The following BCAR1 variants were observed in gnomAD, a reference collection of about 807,000 sequenced individuals.
The protein encoded by BCAR1 is BCAR1 scaffold protein, Cas family member, also known as breast cancer anti-estrogen resistance protein 1.
In BCAR1, 30 loss-of-function variants were observed where a neutral mutation model predicts 67.6. The ratio of observed to expected loss-of-function variants is 0.44; its 90% confidence interval spans 0.33 to 0.60. BCAR1 has a LOEUF of 0.60. Ranked by LOEUF, BCAR1 falls within the 20% of genes least tolerant of loss-of-function variation. BCAR1 has a pLI of 0.02. For missense variants in BCAR1, 1,313 were observed against 1,222.3 expected (o/e 1.07, Z -1.11); for synonymous variants, 626 against 556.7 (o/e 1.12, Z -1.75).
chr16:75,234,716 C>T (rs1255051593), intron 5 of BCAR1, among the ~76,000 whole-genome samples, 173 bp downstream of exon 5: 3 of 152,206 alleles, frequency 2.0e-5, no homozygotes, highest in African/African-American at 2.4e-5. Flanking sequence ...ACGAAGGGCT[C>T]GATGACATGG....
intron 1 of BCAR1, chr16:75,248,236 C>T (rs946906987): frequency 1.3e-6 from 2 of 1,517,242 alleles, no homozygotes; most frequent in African/African-American, 1.4e-5. Context: ...ATGTCACAGG[C>T]CTTTCCCACC....
intron 6 of BCAR1, among the ~76,000 whole-genome samples, chr16:75,232,200 GC>G (rs1163381798): frequency 2.0e-5 from 3 of 151,138 alleles, no homozygotes; most frequent in African/African-American, 7.3e-5. Context: ...TCACCCTGTC[GC>G]CCAGGCTGGA....
At position 75,238,044 on chromosome 16, in the gene BCAR1, G is replaced by A; in HGVS notation, c.634-700C>T. The A allele has an allele frequency of 5.4e-6, 7 of 1,288,936 alleles. No individual in the cohort carries two copies. The South Asian group carries it at 6.2e-5, about 11-fold the overall frequency. 79.8% of individuals were successfully genotyped at this position (1,288,936 alleles called of 1,614,324 possible). A position where few individuals can be genotyped will look rare whatever the true frequency, so the allele number is the denominator to read the frequency against. On this transcript the variant is annotated intron_variant, in intron 2 of 6. Coordinates refer to ENST00000162330, the MANE Select transcript of BCAR1 (RefSeq NM_014567.5). ...CGACCTGAAAGGATGAGGCCTAGTG[G>A]GGGAAGTGGGTCCAGGGCCAGCCCT...
rs747629929 is a variant in BCAR1, at chr16:75,248,050, T to C, written c.12+3421A>G. The C allele has an allele frequency of 4.0e-6, 6 of 1,508,182 alleles. No individual in the cohort carries two copies. The Admixed American group carries it at 8.4e-5, about 21-fold the overall frequency. The allele number at this position is 1,508,182 out of a possible 1,614,324, so 93.4% of individuals were successfully genotyped here. A position where few individuals can be genotyped will look rare whatever the true frequency, so the allele number is the denominator to read the frequency against. ...CTCAAAACAACCCCATAAGACACGA[T>C]TACCTCCATCTTACTAGACAGGAAA... On this transcript the variant is annotated intron_variant, in intron 1 of 6. Coordinates refer to ENST00000162330, the MANE Select transcript of BCAR1 (RefSeq NM_014567.5).
intron 1 of BCAR1, among the ~76,000 whole-genome samples, chr16:75,245,305 G>A (rs1202682774): frequency 6.6e-6 from 1 of 152,230 alleles, no homozygotes; most frequent in Non-Finnish European, 1.5e-5. Context: ...GGTGACCACA[G>A]GAAGTGCCAG....
chr16:75,235,596 T>A lies in BCAR1; in HGVS notation c.1303A>T (p.Thr435Ser). ...KRLSASSTGSTRSSQSASSLE... is the reference protein window; with the variant it reads ...KRLSASSTGSSRSSQSASSLE... ...GAGGACGCAGACTGGCTGCTGCGTG[T>A]GCTGCCGGTGCTGGAGGCCGACAGG... Residue 435 changes from threonine to serine, a missense_variant, in exon 5 of 7, where the codon ACA becomes TCA. Thr to Ser is a moderately conservative substitution (Grantham distance 58). Coordinates refer to ENST00000162330, the MANE Select transcript of BCAR1 (RefSeq NM_014567.5). 6.3e-7 allele frequency: 1 copy of A among 1,590,666 alleles called. No homozygotes were observed. Among genetic ancestry groups the A allele is most frequent in the Non-Finnish European group, 8.6e-7 (1 of 1,168,176 alleles).
chr16:75,255,729 C>T (rs993787419), upstream of BCAR1, among the ~76,000 whole-genome samples: 20 of 151,842 alleles, frequency 1.3e-4, no homozygotes, highest in Non-Finnish European at 2.1e-4. Context: ...CAGTGGCTCA[C>T]GCCTGTAATC....
chr16:75,236,458 C>T (rs975336441), intron 4 of BCAR1: 30 of 328,754 alleles, frequency 9.1e-5, no homozygotes, highest in South Asian at 1.7e-4. Flanking sequence ...ACCACCACCA[C>T]GTGTGAACTT....
rs2151383256 is a variant in BCAR1 at position 75,229,409 on chromosome 16, G to A, written c.*102C>T. On this transcript the variant is annotated 3_prime_UTR_variant, in exon 7 of 7. Transcript: ENST00000162330. ...GGGCACCAGGACCGACGCAGAGCTG[G>A]GGTCCTGTCCCTAAGCCTGTGGCAC... is the stretch of plus-strand genomic sequence containing the variant. 2.1e-6 allele frequency: 3 copies of A among 1,403,014 alleles called. No individual in the cohort carries two copies. The highest frequency in any genetic ancestry group is 1.4e-5 in the African/African-American group (1 of 69,232). 86.9% of individuals were successfully genotyped at this position (1,403,014 alleles called of 1,614,324 possible). A position where few individuals can be genotyped will look rare whatever the true frequency, so the allele number is the denominator to read the frequency against.
chr16:75,229,667 C>G lies in BCAR1; in HGVS notation c.2457G>C (p.Leu819=). 1 of 1,612,890 alleles carries G rather than the reference C, an allele frequency of 6.2e-7. No individual in the cohort carries two copies. The highest frequency in any genetic ancestry group is 8.5e-7 in the Non-Finnish European group (1 of 1,179,946). ...RSQVTHYSNL[L]CDLLRGIVAT... ...CCACGATGCCGCGCAGGAGGTCGCA[C>G]AGCAGGTTGCTGTAGTGGGTCACCT... The change falls in exon 7 of 7, where the codon CTG becomes CTC. Residue 819 remains leucine, a synonymous_variant. Transcript: ENST00000162330.
intron 5 of BCAR1, among the ~76,000 whole-genome samples, chr16:75,234,342 T>G (rs1255926439): frequency 6.6e-6 from 1 of 152,012 alleles, no homozygotes; most frequent in South Asian, 2.1e-4. Context: ...GGGCAGAGGG[T>G]GGGGTACCCG....
chr16:75,258,132 G>A (rs933955158), intron 1 of BCAR1, among the ~76,000 whole-genome samples: 1 of 152,266 alleles, frequency 6.6e-6, no homozygotes, highest in East Asian at 1.9e-4. Context: ...GCCCCACCCC[G>A]CTGGGCACCA....
chr16:75,245,961 G>GTTTTTTTTTTTT (rs1405738465), intron 1 of BCAR1: 2 of 26,998 alleles, frequency 7.4e-5, no homozygotes, highest in Non-Finnish European at 1.8e-4. Context: ...TCATAGGATT[G>GTTTTTTTTTTTT]TTCTTTTTTT....
intron 1 of BCAR1, chr16:75,248,247 C>G: frequency 6.7e-7 from 1 of 1,498,666 alleles, no homozygotes; most frequent in African/African-American, 1.4e-5. Context: ...CTTTCCCACC[C>G]CTCCTGTCCA....
intron 6 of BCAR1, among the ~76,000 whole-genome samples, chr16:75,233,423 G>C (rs948972097): frequency 4.0e-5 from 6 of 151,866 alleles, no homozygotes; most frequent in African/African-American, 1.5e-4. Context: ...ACATTCAATA[G>C]ACGCTAAGTG....
chr16:75,243,787 G>T (rs538657594), intron 1 of BCAR1, among the ~76,000 whole-genome samples: 1 of 152,202 alleles, frequency 6.6e-6, no homozygotes, highest in Non-Finnish European at 1.5e-5. Flanking sequence ...CATGAGTGCC[G>T]TGGCGAGGGC....
In BCAR1 at chr16:75,237,166, G is replaced by A; in HGVS notation, c.795+17C>T. 6.5e-7 allele frequency: 1 copy of A among 1,544,496 alleles called. No individual in the cohort carries two copies. The highest frequency in any genetic ancestry group is 1.4e-5 in the African/African-American group (1 of 72,196). On this transcript the variant is annotated intron_variant, in intron 3 of 6. Coordinates refer to ENST00000162330, the MANE Select transcript of BCAR1 (RefSeq NM_014567.5). ...CTTGCCGCCCTGCCCTCCCACCGCT[G>A]CGCACCCCACACCTACCTCCTGGCC... is the stretch of plus-strand genomic sequence containing the variant.
At chr16:75,266,041 C>G in intron 1 of BCAR1, 1 of 1,026,054 alleles carries the variant, frequency 9.7e-7, no homozygotes, top group Non-Finnish European at 1.2e-6. Flanking sequence ...ACCGTCTCCG[C>G]GGCCAGGGAC....
chr16:75,237,152 G>A (rs2151420087), intron 3 of BCAR1, 31 bp downstream of exon 3: 2 of 1,492,100 alleles, frequency 1.3e-6, no homozygotes, highest in Non-Finnish European at 1.8e-6. Context: ...TTGCCGCCCT[G>A]CCCTCCCACC....
Sources: gnomAD v4.1 joint callset for allele counts (sites outside exome capture counted in the v4.1 genomes callset) on GRCh38, gnomAD v4.1.1 for gene constraint, MANE v1.5 for transcripts, NCBI Gene and HGNC (gene_info 2026-07-23, HGNC 2026-07-21) for gene names.